Variants in PAMR1 observed in about 807,000 individuals in gnomAD.
PAMR1 encodes peptidase domain containing associated with muscle regeneration 1, also known as inactive serine protease PAMR1.
A neutral mutation model predicts 81.8 loss-of-function variants in PAMR1; 88 were observed. The ratio of observed to expected loss-of-function variants is 1.08; its 90% CI spans 0.91 to 1.28. The LOEUF (loss-of-function observed/expected upper bound fraction) is 1.28. Ranked by LOEUF, PAMR1 falls within the 50% of genes most tolerant of loss-of-function variation. The pLI, the probability that PAMR1 is intolerant of heterozygous loss-of-function variation, is 0.00. For synonymous variants in PAMR1, 336 were observed against 345.3 expected (o/e 0.97, Z 0.30); for missense variants, 935 against 919.7 (o/e 1.02, Z -0.21).
intron 6 of PAMR1, among the ~76,000 whole-genome samples, chr11:35,466,262 T>C (rs1856754469): frequency 6.6e-6 from 1 of 152,190 alleles, no homozygotes; most frequent in Non-Finnish European, 1.5e-5. Context: ...CATGGCAGGC[T>C]CAAATGAGGC....
intron 3 of PAMR1, among the ~76,000 whole-genome samples, chr11:35,485,800 A>G (rs201435611): frequency 2.0e-4 from 1 of 5,038 alleles, no homozygotes; most frequent in African/African-American, 2.3e-3. Context: ...GGTACTCAGG[A>G]AAAAAAAATG....
chr11:35,488,669 CTTTTTTT>C lies in PAMR1; in HGVS notation c.379+3369_379+3375del, dbSNP rs34053329. Among the ~76,000 whole-genome samples, 17 of 42,942 alleles carry C rather than the reference CTTTTTTT, an allele frequency of 4.0e-4. 2 individuals carry two copies. Among genetic ancestry groups the C allele is most frequent in the South Asian group, 3.0e-3 (3 of 1,010 alleles). 28.2% of individuals were successfully genotyped at this position (42,942 alleles called of 152,430 possible). On this transcript the variant is annotated intron_variant, in intron 3 of 10. Transcript: ENST00000619888. ...CCATTTTTCACACTTCAAATCTTGC[CTTTTTTT>C]TTTTTTTTTTTTTTTTGGAAACTGT...
intron 1 of PAMR1, among the ~76,000 whole-genome samples, chr11:35,510,475 C>T (rs574426877): frequency 6.7e-6 from 1 of 150,080 alleles, no homozygotes; most frequent in South Asian, 2.2e-4. Context: ...CGCCCCCACC[C>T]CCGGAAACAG....
intron 9 of PAMR1, among the ~76,000 whole-genome samples, chr11:35,435,519 T>C (rs1365088803): frequency 1.3e-5 from 2 of 152,140 alleles, no homozygotes; most frequent in East Asian, 1.9e-4. Flanking sequence ...TAATACCTCA[T>C]TGCTTAATAA....
In PAMR1 at chr11:35,494,125, T is replaced by A. The variant is rs1424202030; in HGVS notation, c.221A>T (p.Asn74Ile). Residue 74 changes from asparagine (N) to isoleucine (I), a missense_variant, in exon 2 of 11, where the codon AAT (asparagine) becomes ATT (isoleucine). Physicochemically the swap from Asn to Ile is moderately radical, Grantham distance 149. Transcript: ENST00000619888. ...YTIPCCRNEE[N>I]ECDSCLIHPG... ...GTGGATCAGGCAGGAGTCACACTCATTCTCCTCATTCCTGCAGCAAGGGAT... is the reference window on the plus strand; with the variant it reads ...GTGGATCAGGCAGGAGTCACACTCAATCTCCTCATTCCTGCAGCAAGGGAT... The A allele has an allele frequency of 6.2e-7, 1 of 1,614,206 alleles. No homozygotes were observed. The highest frequency in any genetic ancestry group is 1.1e-5 in the South Asian group (1 of 91,088).
intron 1 of PAMR1, among the ~76,000 whole-genome samples, chr11:35,524,565 A>C (rs1481868567): frequency 6.6e-6 from 1 of 152,176 alleles, no homozygotes; most frequent in Non-Finnish European, 1.5e-5. Context: ...CCAGCACAGA[A>C]GGGAAGCAGC....
chr11:35,435,859 G>A (rs373744569), intron 9 of PAMR1, 44 bp downstream of exon 9: 43 of 1,428,078 alleles, frequency 3.0e-5, no homozygotes, highest in Admixed American at 2.7e-4. Context: ...AGGCAGTCAT[G>A]AAAGATTGAG....
At chr11:35,471,182 G>A (rs1388411792) in intron 4 of PAMR1, among the ~76,000 whole-genome samples, 2 of 151,912 alleles carry the variant, frequency 1.3e-5, no homozygotes, top group Non-Finnish European at 2.9e-5. Flanking sequence ...CCTCAAAGAG[G>A]CTTCCCTGAC....
intron 6 of PAMR1, among the ~76,000 whole-genome samples, chr11:35,455,888 C>T (rs1402893911): frequency 6.7e-6 from 1 of 148,306 alleles, no homozygotes; most frequent in Admixed American, 6.8e-5. Flanking sequence ...TCTAGCTTCA[C>T]TTAAACACTT....
chr11:35,489,581 A>G (rs1489593400), intron 3 of PAMR1, among the ~76,000 whole-genome samples: 4 of 152,180 alleles, frequency 2.6e-5, no homozygotes, highest in Non-Finnish European at 5.9e-5. Context: ...ACCATGTCTA[A>G]GCTCTGAGCC....
At chr11:35,451,923 T>C in intron 6 of PAMR1, 1 of 700,008 alleles carries the variant, frequency 1.4e-6, no homozygotes, top group East Asian at 2.8e-5. Context: ...GATCTTGGAC[T>C]TCCCAGCCTC....
intron 6 of PAMR1, among the ~76,000 whole-genome samples, chr11:35,463,657 T>C (rs2135370419): frequency 6.6e-6 from 1 of 152,294 alleles, no homozygotes; most frequent in East Asian, 1.9e-4. Flanking sequence ...GGAGGCTAGC[T>C]TGGCCTCAAG....
chr11:35,442,260 G>A (rs1018117994), intron 6 of PAMR1, among the ~76,000 whole-genome samples: 3 of 152,158 alleles, frequency 2.0e-5, no homozygotes, highest in Admixed American at 6.5e-5. Flanking sequence ...TAATTGTAGA[G>A]ATACAATAAA....
chr11:35,514,041 G>T (rs1259912497), intron 1 of PAMR1, among the ~76,000 whole-genome samples: 2 of 152,118 alleles, frequency 1.3e-5, no homozygotes, highest in East Asian at 3.9e-4. Flanking sequence ...AAGGGATTCT[G>T]ATCTTCTGGG....
chr11:35,471,840 A>G (rs1850193837), intron 4 of PAMR1, among the ~76,000 whole-genome samples: 1 of 152,188 alleles, frequency 6.6e-6, no homozygotes, highest in Admixed American at 6.5e-5. Flanking sequence ...TCAAGTTCAC[A>G]AAATGTATGT....
At chr11:35,451,384 C>G (rs1856415771) in intron 6 of PAMR1, among the ~76,000 whole-genome samples, 1 of 152,148 alleles carries the variant, frequency 6.6e-6, no homozygotes, top group Admixed American at 6.5e-5. Flanking sequence ...CACCTCTGCC[C>G]AAGGAATATA....
chr11:35,454,316 T>C (rs1226466609), intron 6 of PAMR1, among the ~76,000 whole-genome samples: 1 of 152,164 alleles, frequency 6.6e-6, no homozygotes, highest in Non-Finnish European at 1.5e-5. Flanking sequence ...ATCTAGGAGA[T>C]TTTTGTCCCC....
At chr11:35,465,011 G>A (rs887622851) in intron 6 of PAMR1, among the ~76,000 whole-genome samples, 1 of 152,226 alleles carries the variant, frequency 6.6e-6, no homozygotes, top group African/African-American at 2.4e-5. Context: ...GGTAACCAGA[G>A]TTCATCAGTG....
chr11:35,461,596 CT>C (rs1856655548), intron 6 of PAMR1, among the ~76,000 whole-genome samples: 2 of 149,380 alleles, frequency 1.3e-5, no homozygotes, highest in African/African-American at 4.9e-5. Context: ...GAAAAGAAAA[CT>C]TTTCCCCAAA....
Sources: gnomAD v4.1 joint callset for allele counts (sites outside exome capture counted in the v4.1 genomes callset) on GRCh38, gnomAD v4.1.1 for gene constraint, MANE v1.5 for transcripts, NCBI Gene and HGNC (gene_info 2026-07-23, HGNC 2026-07-21) for gene names.